MEGF11: variants seen among roughly 807,000 people sequenced by gnomAD.
The protein encoded by MEGF11 is multiple epidermal growth factor-like domains protein 11.
In MEGF11, 126 loss-of-function variants were observed where a neutral mutation model predicts 146.6. The ratio of observed to expected loss-of-function variants is 0.86; its 90% CI spans 0.74 to 1.00. The LOEUF is 1.00. Ranked by LOEUF, MEGF11 falls within the 50% of genes least tolerant of loss-of-function variation. The pLI, the probability that MEGF11 is intolerant of heterozygous loss-of-function variation, is 0.00. For synonymous variants in MEGF11, 532 were observed against 583.4 expected, an observed-to-expected ratio of 0.91 and a Z score of 1.27; for missense variants, 1,509 against 1,521.2, an observed-to-expected ratio of 0.99 and a Z score of 0.13.
At chr15:66,014,816 G>A (rs921648896) in intron 5 of MEGF11, among the ~76,000 whole-genome samples, 9 of 152,138 alleles carry the variant, frequency 5.9e-5, no homozygotes, top group Non-Finnish European at 1.0e-4. Flanking sequence ...AGTGACAAGG[G>A]ATGAATTATG....
At position 65,980,853 on chromosome 15, in the gene MEGF11, C is replaced by G; in HGVS notation, c.687G>C (p.Glu229Asp). Residue 229 changes from glutamate (E) to aspartate (D), a missense_variant, in exon 7 of 26, where the codon GAG (glutamate) becomes GAC (aspartate). By Grantham distance (45) the Glu-to-Asp change is conservative. Transcript: ENST00000395614. ...CPPGSHGAHC[E>D]LRCPCQNGGT... ...CCCCATTCTGACAGGGGCAGCGCAGCTCACAGTGAGCTCCATGGCTCCCAG... is the reference window on the plus strand; with the variant it reads ...CCCCATTCTGACAGGGGCAGCGCAGGTCACAGTGAGCTCCATGGCTCCCAG... The G allele has an allele frequency of 6.3e-7, 1 of 1,596,478 alleles. No homozygotes were observed. The highest frequency in any genetic ancestry group is 2.3e-5 in the East Asian group (1 of 43,954).
In MEGF11 at chr15:65,915,911, C is replaced by T. The variant is rs2078982615; in HGVS notation, c.2344+237G>A. The stretch of plus-strand genomic sequence containing the variant: ...AAAAAAAATCCTGCCTCCCACTATT[C>T]TCTCATTACTTGCTATGACCTCTGC... On this transcript the variant is annotated intron_variant, in intron 18 of 25. Coordinates refer to ENST00000395614, the MANE Select transcript of MEGF11 (RefSeq NM_001385028.1). 2.0e-5 allele frequency among the ~76,000 whole-genome samples: 3 copies of T among 152,216 alleles called. No individual in the cohort carries two copies. The South Asian group carries it at 6.2e-4, about 32-fold the overall frequency.
At chr15:66,181,809 A>C (rs1170820835) in intron 1 of MEGF11, among the ~76,000 whole-genome samples, 2 of 152,184 alleles carry the variant, frequency 1.3e-5, no homozygotes, top group Non-Finnish European at 2.9e-5. Context: ...AGCCCTGGTA[A>C]TTGAGAGCAA....
chr15:66,089,572 T>C (rs2086241599), intron 5 of MEGF11, among the ~76,000 whole-genome samples: 1 of 152,226 alleles, frequency 6.6e-6, no homozygotes, highest in Admixed American at 6.5e-5. Flanking sequence ...ACCCAGGAAA[T>C]ACAATAATTA....
intron 10 of MEGF11, among the ~76,000 whole-genome samples, chr15:65,932,511 G>A (rs532640891): frequency 1.3e-5 from 2 of 152,080 alleles, no homozygotes; most frequent in Non-Finnish European, 2.9e-5. Flanking sequence ...GGCCTTGAGG[G>A]GTGGGAGCAT....
At position 65,962,226 on chromosome 15, in the gene MEGF11, T is replaced by A. The variant is rs535663471; in HGVS notation, c.1112+2682A>T. 2.0e-4 allele frequency among the ~76,000 whole-genome samples: 30 copies of A among 152,206 alleles called. No individual in the cohort carries two copies. In the South Asian group the frequency reaches 6.2e-3, roughly 32 times the overall value. On this transcript the variant is annotated intron_variant, in intron 9 of 25. Transcript: ENST00000395614. ...ATGGGAAGAGAGGGGCTGCCCTCCA[T>A]CCACATAGAGGAAGAGAGCTGTTTT...
At chr15:66,170,265 C>G (rs879287250) in intron 1 of MEGF11, among the ~76,000 whole-genome samples, 89 of 152,308 alleles carry the variant, frequency 5.8e-4, no homozygotes, top group African/African-American at 2.1e-3. Flanking sequence ...CACCGCTCAG[C>G]CTGCCAGGGG....
chr15:66,212,790 G>A (rs1216359987), intron 1 of MEGF11, among the ~76,000 whole-genome samples: 1 of 248 alleles, frequency 4.0e-3, no homozygotes, highest in Non-Finnish European at 7.4e-3. Flanking sequence ...TTCCTGCCAG[G>A]GACTCCCCCC....
intron 3 of MEGF11, 100 bp downstream of exon 3, chr15:66,123,799 G>A (rs1750917320): frequency 3.3e-6 from 3 of 922,292 alleles, no homozygotes; most frequent in Admixed American, 1.8e-5. Flanking sequence ...GGAGGCGCGT[G>A]ACAACATCTG....
chr15:66,124,074 A>G, intron 2 of MEGF11, 74 bp from the exon 3 acceptor site: 1 of 1,219,066 alleles, frequency 8.2e-7, no homozygotes, highest in Non-Finnish European at 1.2e-6. Flanking sequence ...AGGGCATCTG[A>G]GCCCACAGCC....
intron 4 of MEGF11, among the ~76,000 whole-genome samples, chr15:66,109,110 T>C (rs1310482693): frequency 6.6e-6 from 1 of 152,170 alleles, no homozygotes; most frequent in Non-Finnish European, 1.5e-5. Context: ...CAGAGAAAGC[T>C]AGAGCTTGGC....
At chr15:66,181,443 C>G (rs1597138959) in intron 1 of MEGF11, among the ~76,000 whole-genome samples, 1 of 152,270 alleles carries the variant, frequency 6.6e-6, no homozygotes, top group Admixed American at 6.5e-5. Context: ...CACATTCACA[C>G]TTTAGTGAGC....
intron 4 of MEGF11, among the ~76,000 whole-genome samples, chr15:66,101,268 C>T (rs7174069): frequency 0.22 from 32,856 of 151,910 alleles, 3,716 homozygotes; most frequent in East Asian, 0.39. Flanking sequence ...TCCAGCCTGC[C>T]GCTCCGGACG....
chr15:66,188,874 T>C (rs905016446), intron 1 of MEGF11, among the ~76,000 whole-genome samples: 1 of 152,178 alleles, frequency 6.6e-6, no homozygotes, highest in Non-Finnish European at 1.5e-5. Context: ...CCTGTTTTCC[T>C]AAAGGGGGTT....
chr15:66,237,148 A>C (rs1172865443), intron 1 of MEGF11, among the ~76,000 whole-genome samples: 2 of 152,138 alleles, frequency 1.3e-5, no homozygotes, highest in East Asian at 3.9e-4. Flanking sequence ...GGACCACGTT[A>C]TCTTCATTCC....
intron 5 of MEGF11, among the ~76,000 whole-genome samples, chr15:66,081,002 A>G (rs529954001): frequency 9.5e-4 from 145 of 152,358 alleles, no homozygotes; most frequent in African/African-American, 3.2e-3. Flanking sequence ...ATGCAGTGAA[A>G]AAACAACTCG....
chr15:66,225,958 C>G (rs1023124677), intron 1 of MEGF11, among the ~76,000 whole-genome samples: 2 of 152,224 alleles, frequency 1.3e-5, no homozygotes, highest in African/African-American at 4.8e-5. Context: ...TACAGCAGCC[C>G]CTTATCCACA....
At position 65,912,205 on chromosome 15, in the gene MEGF11, G is replaced by A. The variant is rs990365383; in HGVS notation, c.2711-5C>T. The A allele has an allele frequency of 4.5e-5, 55 of 1,230,858 alleles. No individual in the cohort carries two copies. In the African/African-American group the frequency reaches 8.4e-4, roughly 19 times the overall value. 76.2% of individuals were successfully genotyped at this position (1,230,858 alleles called of 1,614,324 possible). A position where few individuals can be genotyped will look rare whatever the true frequency, so the allele number is the denominator to read the frequency against. The stretch of plus-strand genomic sequence containing the variant: ...GGCTGCTACTTTGAGACAAATCTGG[G>A]AAGAGAACAAGGTGCCACATACCAT... On this transcript the variant is annotated splice_region_variant and splice_polypyrimidine_tract_variant and intron_variant, in intron 20 of 25. Coordinates refer to ENST00000395614, the MANE Select transcript of MEGF11 (RefSeq NM_001385028.1).
At chr15:66,102,355 T>C (rs1255852647) in intron 4 of MEGF11, among the ~76,000 whole-genome samples, 1 of 18,586 alleles carries the variant, frequency 5.4e-5, no homozygotes, top group East Asian at 2.0e-3. Context: ...GCTGAGTTCC[T>C]GCACCTCATT....
Sources: gnomAD v4.1 joint callset for allele counts (sites outside exome capture counted in the v4.1 genomes callset) on GRCh38, gnomAD v4.1.1 for gene constraint, MANE v1.5 for transcripts, NCBI Gene and HGNC (gene_info 2026-07-23, HGNC 2026-07-21) for gene names.